UBTF: variants seen among roughly 807,000 people sequenced by gnomAD.
UBTF encodes nucleolar transcription factor 1.
A neutral mutation model predicts 112.3 loss-of-function variants in UBTF; 8 were observed. The ratio of observed to expected loss-of-function variants is 0.07; its 90% CI spans 0.04 to 0.13. UBTF has a LOEUF of 0.13. Ranked by LOEUF, UBTF falls within the 10% of genes least tolerant of loss-of-function variation. The probability of loss-of-function intolerance (pLI) is 1.00; values close to 1 mark genes in which losing one functional copy is unlikely to be tolerated. For missense variants in UBTF, 457 were observed against 982.1 expected, an observed-to-expected ratio of 0.47 and a Z score of 7.15; for synonymous variants, 417 against 373.1, an observed-to-expected ratio of 1.12 and a Z score of -1.36.
At chr17:44,217,322 G>A (rs1451026352) in intron 2 of UBTF, among the ~76,000 whole-genome samples, 1 of 152,156 alleles carries the variant, frequency 6.6e-6, no homozygotes, top group Non-Finnish European at 1.5e-5. Flanking sequence ...CAGGATACAG[G>A]GCAGCTCTGA....
At position 44,207,246 on chromosome 17, in the gene UBTF, T is replaced by G. The variant is rs776223010; in HGVS notation, c.2291A>C (p.Asn764Thr). ...SSGDSSDSDS[N>T] ...GCCCTGGGGTGGGGCTGAGCCTCAG[T>G]TGGAGTCAGAGTCTGAGGAGTCCCC... Residue 764 changes from asparagine (N) to threonine (T), a missense_variant, in exon 21 of 21, where the codon AAC becomes ACC. Transcript: ENST00000436088. 2.5e-6 allele frequency: 4 copies of G among 1,613,528 alleles called. No homozygotes were observed. The highest frequency in any genetic ancestry group is 1.7e-6 in the Non-Finnish European group (2 of 1,179,842).
Position 44,218,190 on chromosome 17 carries a change from C to A in UBTF, c.40G>T (p.Ala14Ser). The A allele has an allele frequency of 2.5e-6, 4 of 1,612,588 alleles. No homozygotes were observed. Among genetic ancestry groups the A allele is most frequent in the Middle Eastern group, 1.7e-4 (1 of 6,058 alleles). The change falls in exon 2 of 21, where the codon GCC becomes TCC. Residue 14 changes from alanine to serine, a missense_variant. Ala to Ser is a moderately conservative substitution (Grantham distance 99). Transcript: ENST00000436088. Reference protein sequence around the residue: ...EADCPTDLEMAAPKGQDRWSQ... With the variant: ...EADCPTDLEMSAPKGQDRWSQ... ...CCCCTACCTTGGCCTTTGGGGGCGG[C>A]CATTTCCAGGTCTGTGGGGCAGTCG...
chr17:44,219,682 C>G (rs1045253123), upstream of UBTF: 3 of 152,972 alleles, frequency 2.0e-5, no homozygotes, highest in African/African-American at 7.3e-5. Context: ...GCACAAAGCA[C>G]AGCGCCCTCC....
In UBTF at chr17:44,207,600, T is replaced by C. The variant is rs751405969; in HGVS notation, c.2026-3A>G. ...TCTTCATCATCCTCCTCGGACTCCTTGGAGGGATGGAGGCACATCAGTGGT... is the reference window on the plus strand; with the variant it reads ...TCTTCATCATCCTCCTCGGACTCCTCGGAGGGATGGAGGCACATCAGTGGT... On this transcript the variant is annotated splice_region_variant and splice_polypyrimidine_tract_variant and intron_variant, in intron 19 of 20. Coordinates refer to ENST00000436088, the MANE Select transcript of UBTF (RefSeq NM_014233.4). 6.2e-7 allele frequency: 1 copy of C among 1,614,034 alleles called. No homozygotes were observed. Among genetic ancestry groups the C allele is most frequent in the Non-Finnish European group, 8.5e-7 (1 of 1,180,014 alleles).
Position 44,207,878 on chromosome 17 carries a change from C to G in UBTF, c.1939G>C (p.Glu647Gln). 6.2e-7 allele frequency: 1 copy of G among 1,614,012 alleles called. No individual in the cohort carries two copies. Among genetic ancestry groups the G allele is most frequent in the Non-Finnish European group, 8.5e-7 (1 of 1,180,008 alleles). Residue 647 changes from glutamate (E) to glutamine (Q), a missense_variant, in exon 18 of 21, where the codon GAG becomes CAG. By Grantham distance (29) the Glu-to-Gln change is conservative. Around this residue, in one of 7 missense-constraint regions of UBTF, gnomAD observed 139 missense variants for 157.5 expected, o/e 0.88. Transcript: ENST00000436088. ...LSPQDRAAYK[E>Q]YISNKRKSMT... ...CCCAGACTCACATTGGAGATGTACTCTTTATATGCTGCACGGTCCTGGGGA... is the reference window on the plus strand; with the variant it reads ...CCCAGACTCACATTGGAGATGTACTGTTTATATGCTGCACGGTCCTGGGGA...
intron 17 of UBTF, among the ~76,000 whole-genome samples, 198 bp from the exon 18 acceptor site, chr17:44,208,109 T>A (rs1188338280): frequency 6.7e-6 from 1 of 148,438 alleles, no homozygotes; most frequent in African/African-American, 2.5e-5. Flanking sequence ...TTTTTTTTTT[T>A]TTTTTTTTTT....
At chr17:44,220,049 G>GGCGGCT (rs1231250167), upstream of UBTF, among the ~76,000 whole-genome samples, 2 of 141,192 alleles carry the variant, frequency 1.4e-5, no homozygotes, top group Non-Finnish European at 1.6e-5. Context: ...TGGCGGCGGC[G>GGCGGCT]GCGGCTGCTG....
Position 44,216,043 on chromosome 17 carries a change from C to A in UBTF, c.235-54G>T, listed in dbSNP as rs528886875. ...AAGTTGGGAAAAGGAAAATGCCACACAGTAGTATACCCCCATCTTATAACG... is the reference window on the plus strand; with the variant it reads ...AAGTTGGGAAAAGGAAAATGCCACAAAGTAGTATACCCCCATCTTATAACG... On this transcript the variant is annotated intron_variant, in intron 3 of 20. Transcript: ENST00000436088. The A allele has an allele frequency of 3.7e-6, 5 of 1,368,530 alleles. No homozygotes were observed. The East Asian group carries it at 9.2e-5, about 25-fold the overall frequency. The allele number at this position is 1,368,530 out of a possible 1,614,324, so 84.8% of individuals were successfully genotyped here.
Position 44,207,145 on chromosome 17 carries a change from G to A in UBTF, c.*97C>T, listed in dbSNP as rs765999022. 1.5e-6 allele frequency: 2 copies of A among 1,376,740 alleles called. No individual in the cohort carries two copies. Among genetic ancestry groups the A allele is most frequent in the Non-Finnish European group, 2.0e-6 (2 of 1,003,894 alleles). 85.3% of individuals were successfully genotyped at this position (1,376,740 alleles called of 1,614,324 possible). The stretch of plus-strand genomic sequence containing the variant: ...AAAGAAAGAAAGTGGGGGAGGCCAG[G>A]GGGGCAAGGGACAGAACATGGGGGA... On this transcript the variant is annotated 3_prime_UTR_variant, in exon 21 of 21. Transcript: ENST00000436088.
At position 44,210,111 on chromosome 17, in the gene UBTF, G is replaced by C; in HGVS notation, c.1626+13C>G. 1 of 1,612,798 alleles carries C rather than the reference G, an allele frequency of 6.2e-7. No homozygotes were observed. The highest frequency in any genetic ancestry group is 1.1e-5 in the South Asian group (1 of 91,060). The stretch of plus-strand genomic sequence containing the variant: ...GCTTTCAATGAATGGGGTGGCCCCA[G>C]CCCCATTCCTACCTCATATCGCTTT... On this transcript the variant is annotated intron_variant, in intron 15 of 20. Transcript: ENST00000436088.
At chr17:44,208,368 G>T (rs893484368) in intron 17 of UBTF, among the ~76,000 whole-genome samples, 6 of 152,160 alleles carry the variant, frequency 3.9e-5, no homozygotes, top group Non-Finnish European at 8.8e-5. Flanking sequence ...GGCTCCCAAA[G>T]TGCTAGGATT....
At chr17:44,208,506 C>T (rs957215183) in intron 17 of UBTF, 2 of 132,656 alleles carry the variant, frequency 1.5e-5, no homozygotes, top group African/African-American at 6.5e-5. Context: ...ATGGAAGCTC[C>T]TATCAGAGTC....
In UBTF at chr17:44,215,527, T is replaced by G; in HGVS notation, c.474+127A>C. The G allele has an allele frequency of 2.5e-6, 3 of 1,223,630 alleles. No individual in the cohort carries two copies. In the East Asian group the frequency reaches 7.1e-5, roughly 29 times the overall value. The allele number at this position is 1,223,630 out of a possible 1,614,324, so 75.8% of individuals were successfully genotyped here. A position where few individuals can be genotyped will look rare whatever the true frequency, so the allele number is the denominator to read the frequency against. On this transcript the variant is annotated intron_variant, in intron 5 of 20. Coordinates refer to ENST00000436088, the MANE Select transcript of UBTF (RefSeq NM_014233.4). ...ATCAGGTGTGGCTGCCCAGGACCTA[T>G]TCTGCTGTGCTGACTCACCCTCATC...
At chr17:44,209,611 G>A (rs778673401) in intron 16 of UBTF, 34 bp downstream of exon 16, 17 of 1,613,790 alleles carry the variant, frequency 1.1e-5, no homozygotes, top group Non-Finnish European at 1.4e-5. Context: ...GACCCTCCCC[G>A]ACCTCCAGGG....
chr17:44,209,820 G>A, intron 15 of UBTF, 87 bp from the exon 16 acceptor site: 1 of 1,413,772 alleles, frequency 7.1e-7, no homozygotes, highest in Non-Finnish European at 9.8e-7. Context: ...ACCTTAGCTG[G>A]CTGTCTTTTT....
Position 44,218,256 on chromosome 17 carries a change from G to C in UBTF, c.-27C>G. 18 of 1,611,146 alleles carry C rather than the reference G, an allele frequency of 1.1e-5. No homozygotes were observed. Among genetic ancestry groups the C allele is most frequent in the Non-Finnish European group, 1.5e-5 (18 of 1,179,492 alleles). On this transcript the variant is annotated 5_prime_UTR_variant, in exon 2 of 21. Coordinates refer to ENST00000436088, the MANE Select transcript of UBTF (RefSeq NM_014233.4). Reference sequence around the variant, plus strand: ...CTCCAGCTGTCCAGCCACCTCCTCGGTCGTGCTGGCCGGGCAACCCGGGGT... The same window carrying C: ...CTCCAGCTGTCCAGCCACCTCCTCGCTCGTGCTGGCCGGGCAACCCGGGGT...
Position 44,209,361 on chromosome 17 carries a change from G to A in UBTF, c.1896C>T (p.Leu632=). 2 of 1,601,578 alleles carry A rather than the reference G, an allele frequency of 1.2e-6. No individual in the cohort carries two copies. Among genetic ancestry groups the A allele is most frequent in the South Asian group, 2.2e-5 (2 of 89,688 alleles). The change falls in exon 17 of 21, where the codon CTC becomes CTT. Residue 632 remains leucine, a synonymous_variant. Transcript: ENST00000436088. ...TCCCTTGCCCTCTCACCTTAACCCA[G>A]AGGTCCAGGTGCACCTTGTACTGCT... ...QQKQYKVHLD[L]WVKSLSPQDR...
rs2056672143 is a variant in UBTF at position 44,211,456 on chromosome 17, G to A, written c.1048-125C>T. 2.6e-6 allele frequency: 4 copies of A among 1,561,778 alleles called. No individual in the cohort carries two copies. In the South Asian group the frequency reaches 3.4e-5, roughly 13 times the overall value. ...GGGTGTGGGCTGGACTCCCTGCCTGGACGGGCTCAGTTGCTAAGCCCAGCC... is the reference window on the plus strand; with the variant it reads ...GGGTGTGGGCTGGACTCCCTGCCTGAACGGGCTCAGTTGCTAAGCCCAGCC... On this transcript the variant is annotated intron_variant, in intron 10 of 20. Coordinates refer to ENST00000436088, the MANE Select transcript of UBTF (RefSeq NM_014233.4). The surrounding 1 kb of genome is among the most constrained non-coding windows in gnomAD (Gnocchi z 4.9).
Position 44,207,587 on chromosome 17 carries a change from T to G in UBTF, c.2036A>C (p.Glu679Ala), listed in dbSNP as rs1260801054. The G allele has an allele frequency of 6.2e-7, 1 of 1,614,028 alleles. No homozygotes were observed. The highest frequency in any genetic ancestry group is 8.5e-7 in the Non-Finnish European group (1 of 1,180,014). The change falls in exon 20 of 21, where the codon GAG becomes GCG. Residue 679 changes from glutamate (E) to alanine (A), a missense_variant. By Grantham distance (107) the Glu-to-Ala change is moderately radical. This residue lies in a region of UBTF where 139 missense variants were observed against 157.5 expected (regional missense o/e 0.88). Transcript: ENST00000436088. ...GTCATCCTCATCCTCTTCATCATCC[T>G]CCTCGGACTCCTTGGAGGGATGGAG... ...TTLQSKSESE[E>A]DDEEDEDDED...
Sources: allele counts gnomAD v4.1 joint callset (sites outside exome capture counted in the v4.1 genomes callset), GRCh38; gene constraint gnomAD v4.1.1; regional missense constraint gnomAD v4.1.1; non-coding constraint Gnocchi (gnomAD v3.1); transcripts MANE v1.5; gene names NCBI Gene and HGNC (gene_info 2026-07-23, HGNC 2026-07-21).